The following EIF3H variants were observed in gnomAD, a reference collection of about 807,000 sequenced individuals.
The protein encoded by EIF3H is eukaryotic translation initiation factor 3 subunit H, also known as eIF-3-gamma.
Under a neutral mutation model 44.2 loss-of-function variants are expected in EIF3H, and 26 were observed. The observed-to-expected ratio is 0.59, with a 90% CI of 0.43 to 0.82. The LOEUF (loss-of-function observed/expected upper bound fraction) is 0.82. Among genes scored for constraint, EIF3H ranks in the 40% least tolerant of loss-of-function variants. The pLI, the probability that EIF3H is intolerant of heterozygous loss-of-function variation, is 0.00. For synonymous variants in EIF3H, 166 were observed against 151.9 expected (o/e 1.09, Z -0.68); for missense variants, 359 against 432.8 (o/e 0.83, Z 1.51).
chr8:116,766,366 C>A (rs1428415968), upstream of EIF3H: 7 of 430,396 alleles, frequency 1.6e-5, no homozygotes, highest in South Asian at 8.4e-5. Context: ...GGTTTTCCAG[C>A]GTACGCACAA....
Position 116,706,208 on chromosome 8 carries a change from C to T in EIF3H, c.289+19808G>A, listed in dbSNP as rs544680902. ...CTTAAAACCTTTTAGTAGTCTCTTA[C>T]AGTTTACAGAATAAAACCTAAACTT... On this transcript the variant is annotated intron_variant, in intron 2 of 7. Transcript: ENST00000521861. 2.6e-5 allele frequency among the ~76,000 whole-genome samples: 4 copies of T among 152,312 alleles called. No homozygotes were observed. The East Asian group carries it at 7.7e-4, about 29-fold the overall frequency.
chr8:116,755,965 GGT>G, upstream of EIF3H: 1 of 1,536,236 alleles, frequency 6.5e-7, no homozygotes, highest in Non-Finnish European at 8.7e-7. Context: ...CTTTCCAGGC[GGT>G]ATCCTTTGTG....
intron 5 of EIF3H, among the ~76,000 whole-genome samples, chr8:116,649,330 A>G (rs1013618611): frequency 3.9e-5 from 6 of 152,224 alleles, no homozygotes; most frequent in African/African-American, 7.2e-5. Flanking sequence ...AGAACCACAC[A>G]GATTATGACA....
chr8:116,696,059 GC>G (rs985920783), intron 2 of EIF3H, among the ~76,000 whole-genome samples: 9 of 152,174 alleles, frequency 5.9e-5, no homozygotes, highest in African/African-American at 1.9e-4. Context: ...CAGCTCAAAA[GC>G]CCTTCAAGTA....
chr8:116,758,437 C>T (rs1357801277), upstream of EIF3H, among the ~76,000 whole-genome samples: 1 of 152,118 alleles, frequency 6.6e-6, no homozygotes, highest in Non-Finnish European at 1.5e-5. Flanking sequence ...CCTCTCTCAA[C>T]AATGGATAAA....
At chr8:116,745,500 C>T (rs1386128468) in intron 1 of EIF3H, among the ~76,000 whole-genome samples, 1 of 152,188 alleles carries the variant, frequency 6.6e-6, no homozygotes, top group Admixed American at 6.5e-5. Context: ...TCATCACTAG[C>T]ATATATGTCA....
intron 2 of EIF3H, among the ~76,000 whole-genome samples, chr8:116,694,474 A>G (rs1401672997): frequency 6.6e-6 from 1 of 152,144 alleles, no homozygotes; most frequent in East Asian, 1.9e-4. Context: ...TCTCAATTTG[A>G]TTAGTAAAAA....
At chr8:116,724,789 A>G (rs547538772) in intron 2 of EIF3H, among the ~76,000 whole-genome samples, 1 of 152,298 alleles carries the variant, frequency 6.6e-6, no homozygotes, top group African/African-American at 2.4e-5. Context: ...AGAAAATAAC[A>G]AGTGTTGACA....
intron 2 of EIF3H, 132 bp downstream of exon 2, chr8:116,725,884 G>T (rs1319534718): frequency 2.8e-6 from 3 of 1,072,484 alleles, no homozygotes; most frequent in African/African-American, 3.2e-5. Flanking sequence ...TTTTCCCAAA[G>T]TATCAGACAT....
chr8:116,681,726 T>C (rs1027631226), intron 2 of EIF3H, among the ~76,000 whole-genome samples: 2 of 151,800 alleles, frequency 1.3e-5, no homozygotes, highest in African/African-American at 4.8e-5. Context: ...TAGAAAGAAT[T>C]ATACCAACCT....
intron 2 of EIF3H, among the ~76,000 whole-genome samples, chr8:116,699,665 G>A (rs1435566170): frequency 1.3e-5 from 2 of 152,134 alleles, no homozygotes; most frequent in Non-Finnish European, 2.9e-5. Flanking sequence ...TACTCACGTG[G>A]CAAATCTGTA....
At chr8:116,720,377 C>A (rs1252669304) in intron 2 of EIF3H, among the ~76,000 whole-genome samples, 1 of 152,040 alleles carries the variant, frequency 6.6e-6, no homozygotes, top group African/African-American at 2.4e-5. Flanking sequence ...TTCTCTCTTG[C>A]CTGCCACCAT....
intron 1 of EIF3H, among the ~76,000 whole-genome samples, chr8:116,737,914 A>G (rs976722703): frequency 6.6e-6 from 1 of 151,610 alleles, no homozygotes; most frequent in Non-Finnish European, 1.5e-5. Flanking sequence ...GTGCAACAGT[A>G]GTCCCAGCTA....
At chr8:116,719,784 T>C (rs1210269122) in intron 2 of EIF3H, among the ~76,000 whole-genome samples, 1 of 76 alleles carries the variant, frequency 0.013, no homozygotes, top group East Asian at 0.5. Flanking sequence ...TTTTCACATG[T>C]ATAAGAAAAT....
intron 1 of EIF3H, among the ~76,000 whole-genome samples, chr8:116,744,197 G>A (rs1296926242): frequency 7.3e-6 from 1 of 136,766 alleles, no homozygotes. Context: ...AGGGAGAGGT[G>A]GAAACATAGA....
intron 1 of EIF3H, 109 bp downstream of exon 1, chr8:116,755,557 G>A: frequency 6.8e-7 from 1 of 1,462,242 alleles, no homozygotes; most frequent in Non-Finnish European, 9.2e-7. Context: ...AAAAACTTTG[G>A]CCCAGCCACA....
Position 116,644,597 on chromosome 8 carries a change from C to CAA in EIF3H, c.*407_*408dup. On this transcript the variant is annotated 3_prime_UTR_variant, in exon 8 of 8. Transcript: ENST00000521861. Reference sequence around the variant, plus strand: ...TTGGGAGCAGCGAAGTATAAAAATTCAAAAAAAAAATATTCACAGTAGATG... The same window carrying CAA: ...TTGGGAGCAGCGAAGTATAAAAATTCAAAAAAAAAAAATATTCACAGTAGATG... The CAA allele has an allele frequency of 6.6e-6, 1 of 152,578 alleles. No individual in the cohort carries two copies. 9.5% of individuals were successfully genotyped at this position (152,578 alleles called of 1,614,324 possible). A position where few individuals can be genotyped will look rare whatever the true frequency, so the allele number is the denominator to read the frequency against.
chr8:116,667,963 T>A (rs986122516), intron 2 of EIF3H, among the ~76,000 whole-genome samples: 3 of 152,208 alleles, frequency 2.0e-5, no homozygotes, highest in Non-Finnish European at 4.4e-5. Context: ...TTTTGTTTAA[T>A]GAGCATTTTC....
At chr8:116,705,397 A>G (rs1371353622) in intron 2 of EIF3H, among the ~76,000 whole-genome samples, 1 of 152,018 alleles carries the variant, frequency 6.6e-6, no homozygotes, top group African/African-American at 2.4e-5. Flanking sequence ...AAGATTCACA[A>G]GATAGTAAGG....
Sources: gnomAD v4.1 joint callset for allele counts (sites outside exome capture counted in the v4.1 genomes callset) on GRCh38, gnomAD v4.1.1 for gene constraint, MANE v1.5 for transcripts, NCBI Gene and HGNC (gene_info 2026-07-23, HGNC 2026-07-21) for gene names.